PBX1: variants seen among roughly 807,000 people sequenced by gnomAD.
PBX1 encodes PBX homeobox 1, also known as pre-B-cell leukemia transcription factor 1.
PBX1 carries 6 observed loss-of-function variants against 53.4 expected under a neutral mutation model. The ratio of observed to expected loss-of-function variants is 0.11; its 90% CI spans 0.06 to 0.22. The LOEUF (loss-of-function observed/expected upper bound fraction) is 0.22. Ranked by LOEUF, PBX1 falls within the 10% of genes least tolerant of loss-of-function variation. The pLI, the probability that PBX1 is intolerant of heterozygous loss-of-function variation, is 1.00. For synonymous variants in PBX1, 204 were observed against 212.3 expected (o/e 0.96, Z 0.34); for missense variants, 251 against 551.4 (o/e 0.46, Z 5.46).
chr1:164,635,231 G>A (rs1195129964), intron 2 of PBX1, among the ~76,000 whole-genome samples: 1 of 152,074 alleles, frequency 6.6e-6, no homozygotes, highest in Non-Finnish European at 1.5e-5. Context: ...CTTAATCCAA[G>A]AGAGGAGCTC....
intron 4 of PBX1, among the ~76,000 whole-genome samples, chr1:164,803,393 C>A (rs1484767227): frequency 1.3e-5 from 2 of 152,134 alleles, no homozygotes; most frequent in Non-Finnish European, 2.9e-5. Flanking sequence ...GGAATAATAG[C>A]AAAATAAAAT....
At chr1:164,782,483 G>C (rs1436712503) in intron 2 of PBX1, among the ~76,000 whole-genome samples, 1 of 152,202 alleles carries the variant, frequency 6.6e-6, no homozygotes, top group Non-Finnish European at 1.5e-5. Flanking sequence ...AAGTAATCAT[G>C]GATCGCGTTA....
intron 2 of PBX1, among the ~76,000 whole-genome samples, chr1:164,713,424 A>C (rs1663911813): frequency 6.6e-6 from 1 of 152,166 alleles, no homozygotes; most frequent in Admixed American, 6.5e-5. Context: ...AAAGAAGGGG[A>C]AGATTGAAGA....
chr1:164,701,329 A>G (rs1160855394), intron 2 of PBX1, among the ~76,000 whole-genome samples: 2 of 152,232 alleles, frequency 1.3e-5, no homozygotes, highest in African/African-American at 4.8e-5. Context: ...TATCTCAGAT[A>G]TGGATATGCC....
In PBX1 at chr1:164,751,314, C is replaced by CAAA. The variant is rs527755578; in HGVS notation, c.266-41164_266-41162dup. On this transcript the variant is annotated intron_variant, in intron 2 of 8. Transcript: ENST00000420696. ...TGGGTGACAGAGTGAGACTCTGTCT[C>CAAA]AAAAAAAAAAAAAAAAAAGATGGTA... 6.1e-4 allele frequency among the ~76,000 whole-genome samples: 48 copies of CAAA among 78,930 alleles called. 1 individual carries two copies. The highest frequency in any genetic ancestry group is 1.6e-3 in the South Asian group (4 of 2,524). 51.8% of individuals were successfully genotyped at this position (78,930 alleles called of 152,430 possible).
chr1:164,714,990 A>G (rs941247515), intron 2 of PBX1, among the ~76,000 whole-genome samples: 1 of 150,832 alleles, frequency 6.6e-6, no homozygotes, highest in African/African-American at 2.4e-5. Flanking sequence ...CATCTGTAAA[A>G]TGAAGATTGT....
intron 2 of PBX1, among the ~76,000 whole-genome samples, chr1:164,879,405 G>A (rs1672592847): frequency 6.6e-6 from 1 of 152,198 alleles, no homozygotes; most frequent in African/African-American, 2.4e-5. Flanking sequence ...GGCATGAAGG[G>A]AAGGTTGGGG....
In PBX1 at chr1:164,599,183, C is replaced by T. The variant is rs188207675; in HGVS notation, c.265+35872C>T. Among the ~76,000 whole-genome samples the T allele has an allele frequency of 2.5e-4, 37 of 148,460 alleles. No homozygotes were observed. The East Asian group carries it at 7.3e-3, about 29-fold the overall frequency. On this transcript the variant is annotated intron_variant, in intron 2 of 8. Transcript: ENST00000420696. ...GATCTCATGTCTAACACTACTCTAA[C>T]TTTGCTCCCCTCTGAGACCAGCATG... is the stretch of plus-strand genomic sequence containing the variant.
chr1:164,860,839 T>C (rs943450807), intron 2 of PBX1, among the ~76,000 whole-genome samples: 1 of 152,050 alleles, frequency 6.6e-6, no homozygotes, highest in Non-Finnish European at 1.5e-5. Flanking sequence ...ACACACTTAG[T>C]ACTTGCTCAG....
rs200050150 is a variant in PBX1 at position 164,618,635 on chromosome 1, G to GT, written c.265+55331dup. On this transcript the variant is annotated intron_variant, in intron 2 of 8. Transcript: ENST00000420696. ...TAGCAGAGCTGCCAAAATCAGTAGG[G>GT]TTTTTTTACCAAGCTCTGCTTCAGT... 9.2e-3 allele frequency among the ~76,000 whole-genome samples: 1,404 copies of GT among 152,270 alleles called. 16 individuals are homozygous for GT. The highest frequency in any genetic ancestry group is 0.03 in the African/African-American group (1,231 of 41,542).
intron 2 of PBX1, among the ~76,000 whole-genome samples, chr1:164,786,720 T>TGTGTGTGTGTGC (rs1357886882): frequency 7.7e-5 from 9 of 116,294 alleles, no homozygotes; most frequent in African/African-American, 3.1e-4. Flanking sequence ...TGTGTGTGTG[T>TGTGTGTGTGTGC]GCGCGCGCAC....
At chr1:164,701,499 C>G (rs74526486) in intron 2 of PBX1, among the ~76,000 whole-genome samples, 3,841 of 152,280 alleles carry the variant, frequency 0.025, 163 homozygotes, top group African/African-American at 0.088. Flanking sequence ...ATTCACAGGC[C>G]TTGCCCCAGC....
chr1:164,695,647 G>T (rs911701783), intron 2 of PBX1, among the ~76,000 whole-genome samples: 2 of 152,084 alleles, frequency 1.3e-5, no homozygotes, highest in Non-Finnish European at 2.9e-5. Context: ...TCGTTTCCCC[G>T]TTGGACTGTA....
At position 164,560,105 on chromosome 1, in the gene PBX1, C is replaced by CT. The variant is rs531734763; in HGVS notation, c.191+99dup. 343 of 949,158 alleles carry CT rather than the reference C, an allele frequency of 3.6e-4. 2 individuals carry two copies. The South Asian group carries it at 5.4e-3, about 15-fold the overall frequency. 58.8% of individuals were successfully genotyped at this position (949,158 alleles called of 1,614,324 possible). Reference sequence around the variant, plus strand: ...CAATGGGAACCGAATCACCACAGCGCTTTTTTTGAAAAATGTTATTTCTTT... The same window carrying CT: ...CAATGGGAACCGAATCACCACAGCGCTTTTTTTTGAAAAATGTTATTTCTTT... On this transcript the variant is annotated intron_variant, in intron 1 of 8. Transcript: ENST00000420696.
chr1:164,630,019 A>G (rs892761814), intron 2 of PBX1, among the ~76,000 whole-genome samples: 2 of 152,250 alleles, frequency 1.3e-5, no homozygotes, highest in African/African-American at 2.4e-5. Flanking sequence ...TGCTATCAAT[A>G]AAAGCATTTT....
intron 2 of PBX1, among the ~76,000 whole-genome samples, chr1:164,567,655 A>G (rs531381154): frequency 1.1e-3 from 165 of 152,306 alleles, no homozygotes; most frequent in Non-Finnish European, 1.9e-3. Context: ...TATAAGAAGA[A>G]CTTGTAATGA....
chr1:164,667,715 C>A (rs1047487419), intron 2 of PBX1, among the ~76,000 whole-genome samples: 2 of 152,156 alleles, frequency 1.3e-5, no homozygotes, highest in Admixed American at 6.5e-5. Context: ...GCCGAGACAA[C>A]GCATTTCAAA....
chr1:164,707,189 G>A (rs1663468305), intron 2 of PBX1, among the ~76,000 whole-genome samples: 4 of 152,184 alleles, frequency 2.6e-5, no homozygotes, highest in Admixed American at 2.6e-4. Flanking sequence ...ACAGATTATG[G>A]GAGGGAGCGT....
intron 2 of PBX1, among the ~76,000 whole-genome samples, chr1:164,628,183 C>G (rs1658169260): frequency 6.6e-6 from 1 of 152,174 alleles, no homozygotes; most frequent in Admixed American, 6.5e-5. Flanking sequence ...AAATTTTACT[C>G]TGAAAGGCTT....
Sources: allele counts gnomAD v4.1 joint callset (sites outside exome capture counted in the v4.1 genomes callset), GRCh38; gene constraint gnomAD v4.1.1; transcripts MANE v1.5; gene names NCBI Gene and HGNC (gene_info 2026-07-23, HGNC 2026-07-21).